ZBTB20: variants seen among roughly 807,000 people sequenced by gnomAD.
The protein encoded by ZBTB20 is zinc finger and BTB domain containing 20, also known as zinc finger and BTB domain-containing protein 20.
ZBTB20 carries 9 observed loss-of-function variants against 56.9 expected under a neutral mutation model. The ratio of observed to expected loss-of-function variants is 0.16; its 90% CI spans 0.10 to 0.28. The LOEUF (loss-of-function observed/expected upper bound fraction) is 0.28, where lower values mean the gene tolerates loss of function less well. ZBTB20 is among the 10% of genes least tolerant of loss of function. ZBTB20 has a pLI of 1.00. For synonymous variants in ZBTB20, 417 were observed against 420.7 expected, an observed-to-expected ratio of 0.99 and a Z score of 0.11; for missense variants, 655 against 1,003.0, an observed-to-expected ratio of 0.65 and a Z score of 4.69.
chr3:114,875,848 C>A (rs1020492711), intron 4 of ZBTB20, among the ~76,000 whole-genome samples: 1 of 152,188 alleles, frequency 6.6e-6, no homozygotes, highest in Non-Finnish European at 1.5e-5. Context: ...CTGCAAGACA[C>A]TTTACGTACA....
intron 2 of ZBTB20, among the ~76,000 whole-genome samples, chr3:115,018,102 A>G (rs1394340108): frequency 1.3e-5 from 2 of 151,344 alleles, no homozygotes; most frequent in African/African-American, 2.4e-5. Flanking sequence ...AGTTACCAGG[A>G]CTTCTAATTT....
intron 4 of ZBTB20, among the ~76,000 whole-genome samples, chr3:114,849,554 A>T (rs2074890598): frequency 6.6e-6 from 1 of 152,232 alleles, no homozygotes; most frequent in South Asian, 2.1e-4. Flanking sequence ...TCTAATTGAC[A>T]GTTGATATTT....
intron 1 of ZBTB20, among the ~76,000 whole-genome samples, chr3:115,134,462 GATCT>G (rs2084599252): frequency 6.6e-6 from 1 of 151,762 alleles, no homozygotes; most frequent in African/African-American, 2.4e-5. Context: ...TTGATTTCTA[GATCT>G]ATCCTCCAAA....
At chr3:114,427,112 A>G (rs765210732) in intron 7 of ZBTB20, among the ~76,000 whole-genome samples, 14 of 152,238 alleles carry the variant, frequency 9.2e-5, no homozygotes, top group Non-Finnish European at 1.9e-4. Flanking sequence ...ACAGAGGAGG[A>G]AGGAATCAGA....
At chr3:114,445,740 G>A (rs1254750037) in intron 7 of ZBTB20, 1 of 152,032 alleles carries the variant, frequency 6.6e-6, no homozygotes, top group African/African-American at 2.4e-5. Context: ...GAATCCACAG[G>A]TTCAAAATTT....
chr3:114,779,241 A>T (rs2069872704), intron 5 of ZBTB20, among the ~76,000 whole-genome samples: 1 of 152,176 alleles, frequency 6.6e-6, no homozygotes, highest in African/African-American at 2.4e-5. Context: ...TCCTTTCTAT[A>T]AAAAAACTAT....
chr3:114,376,220 C>G (rs1362377340), intron 10 of ZBTB20, among the ~76,000 whole-genome samples: 1 of 152,066 alleles, frequency 6.6e-6, no homozygotes, highest in Non-Finnish European at 1.5e-5. Flanking sequence ...ACTGTAGTTA[C>G]AGGAAAAAAA....
intron 5 of ZBTB20, among the ~76,000 whole-genome samples, chr3:114,697,465 GATGTTAA>G (rs1304354502): frequency 6.6e-6 from 1 of 151,912 alleles, no homozygotes; most frequent in Non-Finnish European, 1.5e-5. Context: ...AAGGGCCATG[GATGTTAA>G]CTAACTCCCT....
chr3:115,051,951 C>G (rs2108439844), intron 2 of ZBTB20, among the ~76,000 whole-genome samples: 1 of 152,022 alleles, frequency 6.6e-6, no homozygotes. Flanking sequence ...TTTTAACCAA[C>G]CAGATCTCGG....
intron 2 of ZBTB20, among the ~76,000 whole-genome samples, chr3:114,989,285 G>C (rs527321119): frequency 6.6e-6 from 1 of 152,102 alleles, no homozygotes; most frequent in Non-Finnish European, 1.5e-5. Context: ...TGTATAAGGC[G>C]TAAGGAAGGG....
At chr3:114,652,904 T>C (rs2060208002) in intron 6 of ZBTB20, among the ~76,000 whole-genome samples, 1 of 151,974 alleles carries the variant, frequency 6.6e-6, no homozygotes, top group Admixed American at 6.5e-5. Flanking sequence ...CTTATATTTA[T>C]AGGCTACTGT....
chr3:114,975,556 G>C (rs1384417239), intron 2 of ZBTB20, among the ~76,000 whole-genome samples: 1 of 152,048 alleles, frequency 6.6e-6, no homozygotes, highest in African/African-American at 2.4e-5. Context: ...TGCACTAATA[G>C]ACAAATAGGG....
chr3:114,707,651 A>C (rs1578446344), intron 5 of ZBTB20, among the ~76,000 whole-genome samples: 1 of 152,326 alleles, frequency 6.6e-6, no homozygotes, highest in Admixed American at 6.5e-5. Flanking sequence ...CAGTGGAAGA[A>C]GCGGGAACTA....
chr3:114,638,070 TA>T (rs1480649967), intron 6 of ZBTB20, among the ~76,000 whole-genome samples: 1 of 152,058 alleles, frequency 6.6e-6, no homozygotes, highest in Non-Finnish European at 1.5e-5. Flanking sequence ...TTGAAATTTA[TA>T]AGCCAATTAT....
chr3:114,603,786 A>T lies in ZBTB20; in HGVS notation c.-295+89742T>A, dbSNP rs192903330. ...AAACGCTAATGACATTAAACATATT[A>T]AAAAAGATGGTTGACATCACTTATA... On this transcript the variant is annotated intron_variant, in intron 6 of 11. Transcript: ENST00000675478. Among the ~76,000 whole-genome samples the T allele has an allele frequency of 2.7e-3, 413 of 152,148 alleles. 1 individual carries two copies. The highest frequency in any genetic ancestry group is 9.5e-3 in the African/African-American group (396 of 41,580).
At chr3:114,669,434 C>A (rs2061239860) in intron 6 of ZBTB20, among the ~76,000 whole-genome samples, 1 of 151,960 alleles carries the variant, frequency 6.6e-6, no homozygotes, top group South Asian at 2.1e-4. Flanking sequence ...AAGGAAAAAA[C>A]TGGTAAAACA....
intron 7 of ZBTB20, among the ~76,000 whole-genome samples, chr3:114,444,379 T>C (rs2091131758): frequency 6.6e-6 from 1 of 152,162 alleles, no homozygotes; most frequent in African/African-American, 2.4e-5. Context: ...TTTTCCTTCA[T>C]TCCTCAGAAT....
At chr3:114,755,598 C>A (rs1328539986) in intron 5 of ZBTB20, among the ~76,000 whole-genome samples, 1 of 151,144 alleles carries the variant, frequency 6.6e-6, no homozygotes, top group Non-Finnish European at 1.5e-5. Flanking sequence ...TTTTTAAATT[C>A]CCCCCTTAAC....
At chr3:114,983,895 T>A (rs760125552) in intron 2 of ZBTB20, among the ~76,000 whole-genome samples, 32 of 152,008 alleles carry the variant, frequency 2.1e-4, no homozygotes, top group Non-Finnish European at 4.3e-4. Context: ...GGTTTTCAGG[T>A]TTTTCACAAC....
Sources: gnomAD v4.1 joint callset for allele counts (sites outside exome capture counted in the v4.1 genomes callset) on GRCh38, gnomAD v4.1.1 for gene constraint, MANE v1.5 for transcripts, NCBI Gene and HGNC (gene_info 2026-07-23, HGNC 2026-07-21) for gene names.